The following ANKRD36B variants were observed in gnomAD, a reference collection of about 807,000 sequenced individuals.
The protein encoded by ANKRD36B is ankyrin repeat domain-containing protein 36B.
In ANKRD36B, 37 loss-of-function variants were observed where a neutral mutation model predicts 135.7. The ratio of observed to expected loss-of-function variants is 0.27; its 90% CI spans 0.21 to 0.36. ANKRD36B has a LOEUF of 0.36. Among genes scored for constraint, ANKRD36B ranks in the 10% least tolerant of loss-of-function variants. The pLI, the probability that ANKRD36B is intolerant of heterozygous loss-of-function variation, is 1.00. For missense variants in ANKRD36B, 549 were observed against 1,037.1 expected (o/e 0.53, Z 6.46); for synonymous variants, 179 against 348.1 (o/e 0.51, Z 5.41).
Position 97,589,591 on chromosome 2 carries a change from T to C in ANKRD36B, c.95A>G (p.Asn32Ser), listed in dbSNP as rs773613678. Residue 32 changes from asparagine (N) to serine (S), a missense_variant, in exon 1 of 44, where the codon AAT becomes AGT. Coordinates refer to ENST00000359901, the MANE Select transcript of ANKRD36B (RefSeq NM_001393939.1). ...CAGAAGGTACTTCAGTTTCTCCAGA[T>C]TACCACGTAAGACAGCTCTGTGGAT... ...KRIHRAVLRG[N>S]LEKLKYLLLT... The C allele has an allele frequency of 6.2e-7, 1 of 1,613,884 alleles. No homozygotes were observed. The highest frequency in any genetic ancestry group is 1.1e-5 in the South Asian group (1 of 91,044).
At chr2:97,562,132 A>ATCAATGAAATTCAT (rs2081079210) in intron 6 of ANKRD36B, among the ~76,000 whole-genome samples, 1 of 151,922 alleles carries the variant, frequency 6.6e-6, no homozygotes, top group Non-Finnish European at 1.5e-5. Flanking sequence ...TTGCAAAAAC[A>ATCAATGAAATTCAT]TACACATCAA....
chr2:97,554,134 A>G (rs112966962), intron 14 of ANKRD36B, among the ~76,000 whole-genome samples: 1 of 151,940 alleles, frequency 6.6e-6, no homozygotes, highest in African/African-American at 2.4e-5. Context: ...TTGGATATTA[A>G]TAAGCTTTTA....
At position 97,522,078 on chromosome 2, in the gene ANKRD36B, AC is replaced by A. The variant is rs958233008; in HGVS notation, c.2407+1247del. ...GATCCAAATCTATAAAATTTCTAGA[AC>A]AAACACAGGAAAAATCTTTGTGACC... On this transcript the variant is annotated intron_variant, in intron 36 of 43. Coordinates refer to ENST00000359901, the MANE Select transcript of ANKRD36B (RefSeq NM_001393939.1). 3.5e-5 allele frequency among the ~76,000 whole-genome samples: 3 copies of A among 85,140 alleles called. 1 individual carries two copies. The highest frequency in any genetic ancestry group is 7.4e-5 in the African/African-American group (2 of 27,100). 55.9% of individuals were successfully genotyped at this position (85,140 alleles called of 152,430 possible). A position where few individuals can be genotyped will look rare whatever the true frequency, so the allele number is the denominator to read the frequency against.
At chr2:97,566,359 G>A (rs1352856518) in intron 6 of ANKRD36B, among the ~76,000 whole-genome samples, 1 of 151,844 alleles carries the variant, frequency 6.6e-6, no homozygotes, top group Admixed American at 6.6e-5. Flanking sequence ...ACATGCCTTA[G>A]ACCTTATAGG....
chr2:97,547,728 G>A lies in ANKRD36B; in HGVS notation c.1481C>T (p.Ser494Phe). 6.4e-7 allele frequency: 1 copy of A among 1,558,134 alleles called. No individual in the cohort carries two copies. Among genetic ancestry groups the A allele is most frequent in the East Asian group, 2.4e-5 (1 of 42,164 alleles). ...CTTCAAGCCTGGTGGTTGCTCAAAA[G>A]ACACTGAAAAGTAAAAGGGATTCAT... Reference protein sequence around the residue: ...KKDGEKSRTVSFEQPPGLKAT... With the variant: ...KKDGEKSRTVFFEQPPGLKAT... Residue 494 changes from serine to phenylalanine, a missense_variant, in exon 21 of 44, where the codon TCT becomes TTT. By Grantham distance (155) the Ser-to-Phe change is radical (BLOSUM62 -2). Transcript: ENST00000359901.
chr2:97,546,485 G>A (rs577245760), intron 22 of ANKRD36B, among the ~76,000 whole-genome samples: 1 of 151,752 alleles, frequency 6.6e-6, no homozygotes, highest in African/African-American at 2.4e-5. Flanking sequence ...GTATCCACTA[G>A]TTTAGACTTC....
In ANKRD36B at chr2:97,538,164, T is replaced by C. The variant is rs1164677782; in HGVS notation, c.2089+4A>G. ...ATGACATTAAATGTATATTGCCAAA[T>C]TACCTGTTCCAGATTTCCCACCGCC... is the stretch of plus-strand genomic sequence containing the variant. On this transcript the variant is annotated splice_donor_region_variant and intron_variant, in intron 32 of 43. Coordinates refer to ENST00000359901, the MANE Select transcript of ANKRD36B (RefSeq NM_001393939.1). The C allele has an allele frequency of 1.9e-6, 2 of 1,062,354 alleles. No individual in the cohort carries two copies. Among genetic ancestry groups the C allele is most frequent in the Non-Finnish European group, 2.7e-6 (2 of 731,566 alleles). 65.8% of individuals were successfully genotyped at this position (1,062,354 alleles called of 1,614,324 possible).
In ANKRD36B at chr2:97,545,706, A is replaced by G. The variant is rs1354846411; in HGVS notation, c.1641T>C (p.Asn547=). 1 of 963,132 alleles carries G rather than the reference A, an allele frequency of 1.0e-6. No homozygotes were observed. Among genetic ancestry groups the G allele is most frequent in the South Asian group, 1.2e-5 (1 of 83,786 alleles). 59.7% of individuals were successfully genotyped at this position (963,132 alleles called of 1,614,324 possible). A position where few individuals can be genotyped will look rare whatever the true frequency, so the allele number is the denominator to read the frequency against. ...ATSDKEDSVP[N]MATETKDEQI... Reference sequence around the variant, plus strand: ...GTTCATCCTTTGTTTCTGTGGCCATATTCGGAACAGAATCTTCCTTGTCAC... The same window carrying G: ...GTTCATCCTTTGTTTCTGTGGCCATGTTCGGAACAGAATCTTCCTTGTCAC... The change falls in exon 24 of 44, where the codon AAT becomes AAC. Residue 547 remains asparagine (N), a synonymous_variant. Coordinates refer to ENST00000359901, the MANE Select transcript of ANKRD36B (RefSeq NM_001393939.1).
intron 6 of ANKRD36B, among the ~76,000 whole-genome samples, chr2:97,564,456 C>T (rs767012411): frequency 9.2e-5 from 14 of 152,094 alleles, no homozygotes; most frequent in Non-Finnish European, 1.8e-4. Context: ...TTTGCCCATG[C>T]CTATGTCCTG....
chr2:97,558,396 T>C (rs1351672976), intron 10 of ANKRD36B, among the ~76,000 whole-genome samples: 5 of 151,978 alleles, frequency 3.3e-5, no homozygotes, highest in African/African-American at 1.2e-4. Context: ...TCTCCTTAGC[T>C]CTCGTTCTAC....
Position 97,580,484 on chromosome 2 carries a change from T to A in ANKRD36B, c.535A>T (p.Asn179Tyr). ...TACCTGCCAAGATAATCAATGGCAT[T>A]TACATTTGCTTTTTTCTTTAATAAA... The part of the protein sequence containing the change: ...EFLLKKKANV[N>Y]AIDYLGRSAL... Residue 179 changes from asparagine to tyrosine, a missense_variant, in exon 4 of 44, where the codon AAT becomes TAT. Physicochemically the swap from Asn to Tyr is moderately radical, Grantham distance 143. Coordinates refer to ENST00000359901, the MANE Select transcript of ANKRD36B (RefSeq NM_001393939.1). The A allele has an allele frequency of 6.5e-7, 1 of 1,547,660 alleles. No individual in the cohort carries two copies. Among genetic ancestry groups the A allele is most frequent in the Non-Finnish European group, 8.7e-7 (1 of 1,144,278 alleles).
chr2:97,557,573 C>A (rs1249787428), intron 10 of ANKRD36B, among the ~76,000 whole-genome samples: 1 of 151,774 alleles, frequency 6.6e-6, no homozygotes, highest in African/African-American at 2.4e-5. Flanking sequence ...CTTTAACTTG[C>A]CTGGTAATTG....
At chr2:97,563,507 A>G (rs1351817474) in intron 6 of ANKRD36B, among the ~76,000 whole-genome samples, 1 of 151,876 alleles carries the variant, frequency 6.6e-6, no homozygotes, top group Admixed American at 6.6e-5. Context: ...TCTTCATCAA[A>G]GTCCTATTTG....
intron 6 of ANKRD36B, among the ~76,000 whole-genome samples, chr2:97,574,334 G>A (rs1577074865): frequency 2.0e-5 from 3 of 152,032 alleles, no homozygotes; most frequent in Admixed American, 6.6e-5. Flanking sequence ...CAAAACCACA[G>A]TGAGATACCA....
chr2:97,498,289 C>A (rs1194658067), intron 43 of ANKRD36B, among the ~76,000 whole-genome samples: 34 of 80,870 alleles, frequency 4.2e-4, no homozygotes, highest in Admixed American at 3.3e-3. Context: ...TAAAAATTTC[C>A]CAAACATGAA....
At chr2:97,550,447 T>C (rs2079938975) in intron 18 of ANKRD36B, among the ~76,000 whole-genome samples, 1 of 151,936 alleles carries the variant, frequency 6.6e-6, no homozygotes, top group Admixed American at 6.6e-5. Flanking sequence ...TGCAACATAA[T>C]TTATGCCTCT....
At chr2:97,557,036 C>T (rs1210145072) in intron 11 of ANKRD36B, 27 bp from the exon 12 acceptor site, 3 of 1,548,436 alleles carry the variant, frequency 1.9e-6, no homozygotes, top group South Asian at 2.4e-5. Flanking sequence ...ACAAAATAGT[C>T]AATACATAAT....
At chr2:97,517,071 GT>G (rs1160390133) in intron 36 of ANKRD36B, among the ~76,000 whole-genome samples, 1 of 11,306 alleles carries the variant, frequency 8.8e-5, no homozygotes, top group African/African-American at 2.2e-4. Context: ...GGCAGGGAAG[GT>G]TTTTTTTTAA....
chr2:97,562,170 G>A (rs1303154461), intron 6 of ANKRD36B, among the ~76,000 whole-genome samples: 2 of 151,532 alleles, frequency 1.3e-5, no homozygotes, highest in African/African-American at 4.8e-5. Context: ...AGATTCCTAT[G>A]AAAATAAACT....
Sources: allele counts gnomAD v4.1 joint callset (sites outside exome capture counted in the v4.1 genomes callset), GRCh38; gene constraint gnomAD v4.1.1; transcripts MANE v1.5; gene names NCBI Gene and HGNC (gene_info 2026-07-23, HGNC 2026-07-21).